Variants in TAB2 observed in about 807,000 individuals in gnomAD.
TAB2 encodes the protein TGF-beta activated kinase 1 (MAP3K7) binding protein 2.
TAB2 carries 3 observed loss-of-function variants against 65.0 expected under a neutral mutation model. The observed-to-expected ratio is 0.05, with a 90% CI of 0.02 to 0.12. The LOEUF is 0.12. Ranked by LOEUF, TAB2 falls within the 10% of genes least tolerant of loss-of-function variation. The pLI, the probability that TAB2 is intolerant of heterozygous loss-of-function variation, is 1.00. For synonymous variants in TAB2, 298 were observed against 285.1 expected (o/e 1.05, Z -0.46); for missense variants, 623 against 840.3 (o/e 0.74, Z 3.20).
At chr6:149,247,394 G>A (rs1457229630) in intron 1 of TAB2, 1 of 152,166 alleles carries the variant, frequency 6.6e-6, no homozygotes, top group African/African-American at 2.4e-5. Context: ...CCCTTTGTAG[G>A]TATGGAAGCT....
chr6:149,404,426 A>C (rs1782591823), intron 6 of TAB2, among the ~76,000 whole-genome samples: 1 of 152,214 alleles, frequency 6.6e-6, no homozygotes, highest in African/African-American at 2.4e-5. Context: ...CTTTACAGAA[A>C]CAGAAAAAAA....
chr6:149,278,705 A>C lies in TAB2; in HGVS notation c.-121+59929A>C, dbSNP rs181042946. 1.2e-4 allele frequency among the ~76,000 whole-genome samples: 18 copies of C among 152,296 alleles called. No individual in the cohort carries two copies. In the East Asian group the frequency reaches 3.1e-3, roughly 26 times the overall value. On this transcript the variant is annotated intron_variant, in intron 1 of 1. Transcript: ENST00000606202. The stretch of plus-strand genomic sequence containing the variant: ...TCCCTCCAGCTTATAAAACTCTCTT[A>C]TCTTAACAGAAAGAAGAAAAAAGGA...
intron 1 of TAB2, among the ~76,000 whole-genome samples, chr6:149,300,388 T>C (rs1426357911): frequency 9.2e-5 from 14 of 152,352 alleles, no homozygotes; most frequent in Non-Finnish European, 1.0e-4. Context: ...GAGCTGGTTC[T>C]GTCAATAACT....
rs150769959 is a variant in TAB2, at chr6:149,303,200, A to T, written c.-120-74818A>T. ...TGGTGAGATGTATAATTATTTCATT[A>T]TATATTACAATGCAATAATAATAGA... On this transcript the variant is annotated intron_variant, in intron 1 of 1. Transcript: ENST00000606202. Among the ~76,000 whole-genome samples, 723 of 152,348 alleles carry T rather than the reference A, an allele frequency of 4.7e-3. 4 individuals carry two copies. Among genetic ancestry groups the T allele is most frequent in the Middle Eastern group, 0.027 (8 of 294 alleles).
intron 1 of TAB2, among the ~76,000 whole-genome samples, chr6:149,264,787 C>T (rs1170160390): frequency 6.6e-6 from 1 of 152,206 alleles, no homozygotes; most frequent in Non-Finnish European, 1.5e-5. Flanking sequence ...CCCCATTATG[C>T]AGCAAGGCAA....
chr6:149,360,382 G>A (rs1313698061), intron 1 of TAB2, among the ~76,000 whole-genome samples: 1 of 152,196 alleles, frequency 6.6e-6, no homozygotes, highest in Admixed American at 6.5e-5. Context: ...AATCATGGCC[G>A]AAGGCACAGG....
chr6:149,275,968 C>A (rs943812926), intron 1 of TAB2, among the ~76,000 whole-genome samples: 1 of 152,038 alleles, frequency 6.6e-6, no homozygotes, highest in Non-Finnish European at 1.5e-5. Flanking sequence ...TGGGTAGGAT[C>A]CTGAAACAGA....
intron 1 of TAB2, among the ~76,000 whole-genome samples, chr6:149,238,620 C>G (rs1359117431): frequency 6.6e-6 from 1 of 152,186 alleles, no homozygotes; most frequent in African/African-American, 2.4e-5. Flanking sequence ...CAAGGATGAC[C>G]ATGTCCACCA....
intron 5 of TAB2, 110 bp from the exon 6 acceptor site, chr6:149,398,989 TAAATG>T (rs1782272390): frequency 2.1e-5 from 19 of 900,334 alleles, no homozygotes; most frequent in African/African-American, 3.4e-5. Context: ...AGGGGCAAAA[TAAATG>T]AAAAGCATTT....
chr6:149,387,385 G>A (rs980739720), intron 3 of TAB2, among the ~76,000 whole-genome samples: 1 of 152,122 alleles, frequency 6.6e-6, no homozygotes, highest in Non-Finnish European at 1.5e-5. Flanking sequence ...CTCATTGAGT[G>A]ATTTTGGCAC....
At chr6:149,396,019 T>G (rs1244900836) in intron 3 of TAB2, among the ~76,000 whole-genome samples, 1 of 151,998 alleles carries the variant, frequency 6.6e-6, no homozygotes, top group Non-Finnish European at 1.5e-5. Context: ...TCTCTCTGTC[T>G]CCCCCTACCC....
intron 1 of TAB2, among the ~76,000 whole-genome samples, chr6:149,281,239 G>A (rs1407645808): frequency 1.3e-5 from 2 of 152,032 alleles, no homozygotes; most frequent in African/African-American, 4.8e-5. Flanking sequence ...CAGAAAGACA[G>A]GGAGAAGTAG....
intron 1 of TAB2, among the ~76,000 whole-genome samples, chr6:149,258,382 T>C (rs938413221): frequency 6.6e-6 from 1 of 150,720 alleles, no homozygotes; most frequent in African/African-American, 2.4e-5. Context: ...GGCTCTCACA[T>C]GCCAGAGTGA....
At chr6:149,254,588 C>T (rs1015801914) in intron 1 of TAB2, among the ~76,000 whole-genome samples, 7 of 152,220 alleles carry the variant, frequency 4.6e-5, no homozygotes, top group Non-Finnish European at 7.3e-5. Flanking sequence ...TCACAGGGAG[C>T]TTCACATGGC....
intron 1 of TAB2, among the ~76,000 whole-genome samples, chr6:149,359,369 A>G (rs1780771462): frequency 1.3e-5 from 2 of 152,168 alleles, no homozygotes; most frequent in African/African-American, 2.4e-5. Context: ...CTACACCTGT[A>G]GTGTAAATTT....
At chr6:149,355,102 T>A (rs1411683675) in intron 1 of TAB2, among the ~76,000 whole-genome samples, 3 of 152,220 alleles carry the variant, frequency 2.0e-5, no homozygotes, top group Non-Finnish European at 4.4e-5. Context: ...AGATCATTAT[T>A]TTTTAATAAA....
In TAB2 at chr6:149,379,223, T is replaced by G. The variant is rs138524637; in HGVS notation, c.1308T>G (p.His436Gln). Reference protein sequence around the residue: ...VSMGPAFIHHHPPKSRAIGNN... With the variant: ...VSMGPAFIHHQPPKSRAIGNN... ...TGGGTCCTGCCTTTATTCATCACCATCCTCCCAAAAGTCGAGCAATAGGCA... is the reference window on the plus strand; with the variant it reads ...TGGGTCCTGCCTTTATTCATCACCAGCCTCCCAAAAGTCGAGCAATAGGCA... Residue 436 changes from histidine (H) to glutamine (Q), a missense_variant, in exon 3 of 7, where the codon CAT (histidine) becomes CAG (glutamine). Around this residue, in one of 3 missense-constraint regions of TAB2, gnomAD observed 550 missense variants for 665.7 expected, o/e 0.83. Coordinates refer to ENST00000637181, the MANE Select transcript of TAB2 (RefSeq NM_001292034.3). 3.6e-4 allele frequency: 588 copies of G among 1,614,034 alleles called. No homozygotes were observed. The highest frequency in any genetic ancestry group is 4.5e-4 in the Non-Finnish European group (534 of 1,180,042).
chr6:149,280,665 G>A (rs1257129050), intron 1 of TAB2, among the ~76,000 whole-genome samples: 2 of 152,090 alleles, frequency 1.3e-5, no homozygotes, highest in South Asian at 2.1e-4. Context: ...CAGACATAAG[G>A]CACAGTGGCT....
At chr6:149,372,855 A>G (rs967190442) in intron 2 of TAB2, among the ~76,000 whole-genome samples, 8 of 152,202 alleles carry the variant, frequency 5.3e-5, no homozygotes, top group African/African-American at 1.9e-4. Flanking sequence ...CTACCTCTAA[A>G]TGACAGCGTC....
Sources: allele counts gnomAD v4.1 joint callset (sites outside exome capture counted in the v4.1 genomes callset), GRCh38; gene constraint gnomAD v4.1.1; regional missense constraint gnomAD v4.1.1; transcripts MANE v1.5; gene names NCBI Gene and HGNC (gene_info 2026-07-23, HGNC 2026-07-21).